Variants in LYRM4 observed in about 807,000 individuals in gnomAD.
The protein encoded by LYRM4 is LYR motif-containing protein 4.
LYRM4 carries 9 observed loss-of-function variants against 11.7 expected under a neutral mutation model. The ratio of observed to expected loss-of-function variants is 0.77; its 90% confidence interval spans 0.46 to 1.34. LYRM4 has a LOEUF of 1.34. LYRM4 is among the 40% of genes most tolerant of loss of function. The pLI, the probability that LYRM4 is intolerant of heterozygous loss-of-function variation, is 0.00. For synonymous variants in LYRM4, 42 were observed against 40.4 expected, an observed-to-expected ratio of 1.04 and a Z score of -0.15; for missense variants, 133 against 112.5, an observed-to-expected ratio of 1.18 and a Z score of -0.82.
At chr6:5,188,968 C>T (rs1760588233) in intron 2 of LYRM4, among the ~76,000 whole-genome samples, 1 of 152,044 alleles carries the variant, frequency 6.6e-6, no homozygotes, top group Admixed American at 6.6e-5. Context: ...ACCATGTTGC[C>T]CAGGCTGGTC....
In LYRM4 at chr6:5,196,761, G is replaced by T. The variant is rs57147800; in HGVS notation, c.207+19857C>A. On this transcript the variant is annotated intron_variant, in intron 2 of 2. Coordinates refer to ENST00000330636, the MANE Select transcript of LYRM4 (RefSeq NM_020408.6). ...TAACATAACTGTATATGGTGACAGT[G>T]ACTCAATTCTTTTGTCTCTTGCTGT... Among the ~76,000 whole-genome samples the T allele has an allele frequency of 3.3e-3, 498 of 152,302 alleles. 6 individuals carry two copies. Among genetic ancestry groups the T allele is most frequent in the African/African-American group, 0.011 (472 of 41,564 alleles).
downstream of LYRM4, chr6:5,108,405 T>C (rs145116892): frequency 3.1e-6 from 3 of 955,604 alleles, no homozygotes; most frequent in Admixed American, 6.2e-5. Flanking sequence ...TTGGAATGAA[T>C]CTGTTTCCAA....
At chr6:5,132,466 T>G (rs1561817650) in intron 2 of LYRM4, among the ~76,000 whole-genome samples, 1 of 152,196 alleles carries the variant, frequency 6.6e-6, no homozygotes, top group Admixed American at 6.5e-5. Context: ...AAAGAATGTC[T>G]TCTATTCTTT....
the LYRM4 span, among the ~76,000 whole-genome samples, chr6:5,069,667 G>A: frequency 4.6e-5 from 7 of 152,110 alleles, no homozygotes; most frequent in African/African-American, 1.7e-4. Context: ...TTTTCATAGA[G>A]ACATGGTTTC....
intron 2 of LYRM4, among the ~76,000 whole-genome samples, chr6:5,214,321 T>G (rs1439141985): frequency 6.6e-6 from 1 of 152,118 alleles, no homozygotes; most frequent in African/African-American, 2.4e-5. Flanking sequence ...ACAGGAACAT[T>G]TGGAGGGACT....
chr6:5,209,392 CT>C (rs1278746255), intron 2 of LYRM4, among the ~76,000 whole-genome samples: 2 of 152,104 alleles, frequency 1.3e-5, no homozygotes, highest in Admixed American at 6.5e-5. Flanking sequence ...TCTATTATTA[CT>C]TTTTTATTAC....
At chr6:5,098,982 C>A (rs79536563), downstream of LYRM4, among the ~76,000 whole-genome samples, 1 of 152,152 alleles carries the variant, frequency 6.6e-6, no homozygotes, top group Non-Finnish European at 1.5e-5. Flanking sequence ...TCCACCAACA[C>A]CCCCAGTGCT....
chr6:5,060,510 T>G, the LYRM4 span, among the ~76,000 whole-genome samples: 1 of 152,048 alleles, frequency 6.6e-6, no homozygotes, highest in Non-Finnish European at 1.5e-5. Context: ...TTGTATTTTT[T>G]TTTTTTTGAG....
chr6:5,207,642 A>T (rs1203435301), intron 2 of LYRM4, among the ~76,000 whole-genome samples: 1 of 152,224 alleles, frequency 6.6e-6, no homozygotes, highest in Non-Finnish European at 1.5e-5. Flanking sequence ...GAAAAGCACA[A>T]TTGGAGCTGT....
intron 2 of LYRM4, among the ~76,000 whole-genome samples, chr6:5,148,665 CT>C (rs398109784): frequency 7.1e-5 from 1 of 14,100 alleles, no homozygotes; most frequent in African/African-American, 2.3e-4. Context: ...ACACACACCT[CT>C]CTCTCTCTCT....
chr6:5,193,959 G>T (rs951502584), intron 2 of LYRM4, among the ~76,000 whole-genome samples: 20 of 151,166 alleles, frequency 1.3e-4, no homozygotes, highest in African/African-American at 4.6e-4. Flanking sequence ...TGCTTTAAAA[G>T]AAATATATGA....
intron 2 of LYRM4, among the ~76,000 whole-genome samples, chr6:5,138,487 C>CAAAAAAAAAAAAAAAAAAAA (rs765741377): frequency 6.0e-5 from 3 of 49,666 alleles, no homozygotes; most frequent in African/African-American, 1.7e-4. Context: ...ACCCTGTCTC[C>CAAAAAAAAAAAAAAAAAAAA]AAAAAAAAAA....
chr6:5,190,462 TA>T (rs1462677805), intron 2 of LYRM4, among the ~76,000 whole-genome samples: 1 of 152,228 alleles, frequency 6.6e-6, no homozygotes, highest in African/African-American at 2.4e-5. Flanking sequence ...AATTAAATGA[TA>T]TTTATTTAAT....
At chr6:5,229,118 C>A (rs184540412) in intron 1 of LYRM4, among the ~76,000 whole-genome samples, 52 of 150,620 alleles carry the variant, frequency 3.5e-4, no homozygotes, top group Middle Eastern at 3.4e-3. Flanking sequence ...TAAACAAGTT[C>A]AAAGTGAAAA....
chr6:5,042,764 A>T, the LYRM4 span: 1 of 152,678 alleles, frequency 6.5e-6, no homozygotes, highest in Non-Finnish European at 1.5e-5. Context: ...CAAAATGGAC[A>T]TGGACATTTG....
At chr6:5,066,650 C>CT in the LYRM4 span, 1 of 1,163,948 alleles carries the variant, frequency 8.6e-7, no homozygotes, top group Non-Finnish European at 1.3e-6. Context: ...CAAGTAATGC[C>CT]TGAGTCAGGA....
chr6:5,175,781 C>T (rs1289087498), intron 2 of LYRM4, among the ~76,000 whole-genome samples: 1 of 152,146 alleles, frequency 6.6e-6, no homozygotes, highest in Non-Finnish European at 1.5e-5. Flanking sequence ...CTCTGTCCTC[C>T]AGAACACTCT....
intron 2 of LYRM4, among the ~76,000 whole-genome samples, chr6:5,182,395 G>C (rs1168840722): frequency 6.6e-6 from 1 of 152,142 alleles, no homozygotes; most frequent in African/African-American, 2.4e-5. Context: ...TATTAGATTA[G>C]CAACTGCTTT....
At chr6:5,179,646 C>T (rs1301463387) in intron 2 of LYRM4, among the ~76,000 whole-genome samples, 2 of 152,350 alleles carry the variant, frequency 1.3e-5, no homozygotes, top group East Asian at 3.9e-4. Flanking sequence ...TACGTATAGA[C>T]CACATTTGTT....
Sources: allele counts gnomAD v4.1 joint callset (sites outside exome capture counted in the v4.1 genomes callset), GRCh38; gene constraint gnomAD v4.1.1; transcripts MANE v1.5; gene names NCBI Gene and HGNC (gene_info 2026-07-23, HGNC 2026-07-21).